PARD3: variants seen among roughly 807,000 people sequenced by gnomAD.
PARD3 encodes par-3 family cell polarity regulator.
A neutral mutation model predicts 155.4 loss-of-function variants in PARD3; 75 were observed. The ratio of observed to expected loss-of-function variants is 0.48; its 90% CI spans 0.40 to 0.58. PARD3 has a LOEUF of 0.58. Ranked by LOEUF, PARD3 falls within the 20% of genes least tolerant of loss-of-function variation. The pLI, the probability that PARD3 is intolerant of heterozygous loss-of-function variation, is 0.00. For synonymous variants in PARD3, 576 were observed against 610.5 expected (o/e 0.94, Z 0.83); for missense variants, 1,642 against 1,721.7 (o/e 0.95, Z 0.82).
intron 22 of PARD3, among the ~76,000 whole-genome samples, chr10:34,137,535 G>A (rs550445287): frequency 6.6e-6 from 1 of 152,224 alleles, no homozygotes; most frequent in South Asian, 2.1e-4. Context: ...AAGCTGCAAA[G>A]TTTGTGTTAC....
chr10:34,804,180 C>A (rs1021898141), intron 1 of PARD3, among the ~76,000 whole-genome samples: 1 of 152,038 alleles, frequency 6.6e-6, no homozygotes, highest in Non-Finnish European at 1.5e-5. Flanking sequence ...ATTACAGGCA[C>A]CTGCCATCAC....
chr10:34,763,215 C>T (rs1159962241), intron 1 of PARD3, among the ~76,000 whole-genome samples: 1 of 152,198 alleles, frequency 6.6e-6, no homozygotes, highest in East Asian at 1.9e-4. Flanking sequence ...ATCTAAAGGT[C>T]CCACCAGACA....
Position 34,507,956 on chromosome 10 carries a change from A to C in PARD3, c.403+9023T>G, listed in dbSNP as rs184302990. Reference sequence around the variant, plus strand: ...ATTTCTATTTGCAATATGTACTTACATCAGATCCAGAAAATAGTACTCTGA... The same window carrying C: ...ATTTCTATTTGCAATATGTACTTACCTCAGATCCAGAAAATAGTACTCTGA... On this transcript the variant is annotated intron_variant, in intron 3 of 24. Transcript: ENST00000374788. Among the ~76,000 whole-genome samples the C allele has an allele frequency of 1.4e-3, 207 of 152,354 alleles. 1 individual carries two copies. The highest frequency in any genetic ancestry group is 4.9e-3 in the African/African-American group (203 of 41,592).
At chr10:34,752,180 CA>C (rs940497441) in intron 1 of PARD3, among the ~76,000 whole-genome samples, 1 of 151,336 alleles carries the variant, frequency 6.6e-6, no homozygotes, top group Non-Finnish European at 1.5e-5. Flanking sequence ...AAGGTTGCTG[CA>C]AAACTGTCAC....
intron 1 of PARD3, among the ~76,000 whole-genome samples, chr10:34,778,221 A>G (rs1839828937): frequency 6.6e-6 from 1 of 152,224 alleles, no homozygotes; most frequent in African/African-American, 2.4e-5. Flanking sequence ...TTTAGGCAAG[A>G]CATTTAAGCT....
Position 34,769,705 on chromosome 10 carries a change from C to T in PARD3, c.120+45171G>A, listed in dbSNP as rs182987048. 3.5e-3 allele frequency among the ~76,000 whole-genome samples: 524 copies of T among 150,550 alleles called. 3 individuals carry two copies. The highest frequency in any genetic ancestry group is 0.011 in the African/African-American group (466 of 40,854). On this transcript the variant is annotated intron_variant, in intron 1 of 24. Coordinates refer to ENST00000374788, the MANE Select transcript of PARD3 (RefSeq NM_001184785.2). ...CCCAGGAGGTCAAGGCTTCAGTGAC[C>T]GTGATCATGCCACTGCACACCAGCC...
chr10:34,564,013 A>C (rs2085723730), intron 2 of PARD3, among the ~76,000 whole-genome samples: 2 of 152,214 alleles, frequency 1.3e-5, no homozygotes, highest in Admixed American at 1.3e-4. Context: ...CCTGACACTT[A>C]ATGCAAATAA....
chr10:34,759,558 C>A (rs1159948466), intron 1 of PARD3, among the ~76,000 whole-genome samples: 1 of 152,224 alleles, frequency 6.6e-6, no homozygotes, highest in Non-Finnish European at 1.5e-5. Flanking sequence ...AGCAATCAAA[C>A]ATTCCGATTT....
Position 34,354,816 on chromosome 10 carries a change from G to C in PARD3, c.2067+4331C>G, listed in dbSNP as rs1479079383. On this transcript the variant is annotated intron_variant, in intron 14 of 24. Transcript: ENST00000374788. Reference sequence around the variant, plus strand: ...CCCAGTGGTCCCCATGATGGAGACTGGTTGATCCTGGAGACATGGAAAGCC... The same window carrying C: ...CCCAGTGGTCCCCATGATGGAGACTCGTTGATCCTGGAGACATGGAAAGCC... Among the ~76,000 whole-genome samples the C allele has an allele frequency of 2.6e-5, 4 of 152,268 alleles. No homozygotes were observed. The East Asian group carries it at 7.8e-4, about 30-fold the overall frequency.
At chr10:34,731,954 G>A (rs1454242996) in intron 1 of PARD3, among the ~76,000 whole-genome samples, 1 of 152,086 alleles carries the variant, frequency 6.6e-6, no homozygotes, top group Non-Finnish European at 1.5e-5. Context: ...ACAATAAAAG[G>A]AAGGGAAGAA....
chr10:34,273,150 A>T (rs1343848356), intron 21 of PARD3, among the ~76,000 whole-genome samples: 2 of 152,200 alleles, frequency 1.3e-5, no homozygotes, highest in Non-Finnish European at 2.9e-5. Context: ...CTTATGTCCA[A>T]GCAAAAACCT....
chr10:34,637,972 G>A (rs2092542458), intron 2 of PARD3, among the ~76,000 whole-genome samples: 1 of 152,292 alleles, frequency 6.6e-6, no homozygotes, highest in African/African-American at 2.4e-5. Flanking sequence ...GTATCTGCAA[G>A]TGTACACATA....
At chr10:34,333,407 G>A (rs1365663490) in intron 18 of PARD3, among the ~76,000 whole-genome samples, 1 of 151,994 alleles carries the variant, frequency 6.6e-6, no homozygotes, top group Non-Finnish European at 1.5e-5. Flanking sequence ...TTCGATAAAC[G>A]ATAATTTTGT....
At chr10:34,763,129 G>C (rs12253421) in intron 1 of PARD3, among the ~76,000 whole-genome samples, 3,605 of 152,318 alleles carry the variant, frequency 0.024, 144 homozygotes, top group African/African-American at 0.083. Context: ...CTGGTATTTA[G>C]TGGCGGAGGT....
At chr10:34,515,260 T>C (rs1020949358) in intron 3 of PARD3, among the ~76,000 whole-genome samples, 1 of 152,218 alleles carries the variant, frequency 6.6e-6, no homozygotes, top group African/African-American at 2.4e-5. Flanking sequence ...AAATCTAATG[T>C]AAGAATTTTT....
intron 3 of PARD3, among the ~76,000 whole-genome samples, chr10:34,497,918 C>T (rs539788318): frequency 6.6e-6 from 1 of 152,046 alleles, no homozygotes; most frequent in Non-Finnish European, 1.5e-5. Context: ...TTGCATTTTA[C>T]CCACACATAC....
chr10:34,792,322 C>T (rs1841753948), intron 1 of PARD3, among the ~76,000 whole-genome samples: 3 of 152,206 alleles, frequency 2.0e-5, no homozygotes, highest in South Asian at 4.1e-4. Flanking sequence ...TGGCCTCAAG[C>T]GACGCGCCTG....
At chr10:34,784,208 C>CA (rs1443162013) in intron 1 of PARD3, among the ~76,000 whole-genome samples, 3 of 151,722 alleles carry the variant, frequency 2.0e-5, no homozygotes, top group South Asian at 4.2e-4. Context: ...GAACTTGTCT[C>CA]AAAAAATAAA....
At chr10:34,780,511 G>A (rs931852428) in intron 1 of PARD3, among the ~76,000 whole-genome samples, 15 of 152,146 alleles carry the variant, frequency 9.9e-5, no homozygotes, top group Admixed American at 6.5e-4. Flanking sequence ...TCTTATGAGC[G>A]TGACATTCAG....
Sources: gnomAD v4.1 joint callset for allele counts (sites outside exome capture counted in the v4.1 genomes callset) on GRCh38, gnomAD v4.1.1 for gene constraint, MANE v1.5 for transcripts, NCBI Gene and HGNC (gene_info 2026-07-23, HGNC 2026-07-21) for gene names.